VRK2: variants seen among roughly 807,000 people sequenced by gnomAD.
VRK2 encodes the protein VRK serine/threonine kinase 2, also known as serine/threonine-protein kinase VRK2.
VRK2 carries 60 observed loss-of-function variants against 57.6 expected under a neutral mutation model. The observed-to-expected ratio is 1.04, with a 90% CI of 0.85 to 1.29. The LOEUF (loss-of-function observed/expected upper bound fraction) is 1.29. VRK2 is among the 50% of genes most tolerant of loss of function. The pLI, the probability that VRK2 is intolerant of heterozygous loss-of-function variation, is 0.00. For missense variants in VRK2, 705 were observed against 588.1 expected, an observed-to-expected ratio of 1.20 and a Z score of -2.06; for synonymous variants, 231 against 199.2, an observed-to-expected ratio of 1.16 and a Z score of -1.35.
intron 12 of VRK2, among the ~76,000 whole-genome samples, chr2:58,147,581 A>C (rs1475441238): frequency 6.6e-6 from 1 of 151,868 alleles, no homozygotes; most frequent in African/African-American, 2.4e-5. Context: ...TGATGCAAAG[A>C]AATTGATTCC....
At chr2:58,096,554 C>T (rs947264167) in intron 7 of VRK2, among the ~76,000 whole-genome samples, 2 of 151,848 alleles carry the variant, frequency 1.3e-5, no homozygotes, top group African/African-American at 4.8e-5. Flanking sequence ...ATTTTTCGTA[C>T]TTCAGTGATT....
chr2:58,084,842 AT>A (rs1157176546), intron 3 of VRK2, 38 bp from the exon 4 acceptor site: 19 of 1,316,884 alleles, frequency 1.4e-5, no homozygotes, highest in South Asian at 2.6e-5. Flanking sequence ...CTTTGGGATT[AT>A]TTTTTTCTAG....
chr2:57,982,280 T>A (rs1672444302), intron 1 of VRK2, among the ~76,000 whole-genome samples: 1 of 152,108 alleles, frequency 6.6e-6, no homozygotes, highest in Admixed American at 6.5e-5. Context: ...GTATTCCCAG[T>A]TTGCTGGCAA....
intron 1 of VRK2, among the ~76,000 whole-genome samples, chr2:57,942,635 C>G (rs1671136578): frequency 6.6e-6 from 1 of 151,888 alleles, no homozygotes; most frequent in Non-Finnish European, 1.5e-5. Flanking sequence ...TTGATGCTAA[C>G]TTTATTTGGT....
intron 2 of VRK2, among the ~76,000 whole-genome samples, chr2:58,061,870 TGTAGAGGTGAAAGGG>T (rs542341178): frequency 1.3e-5 from 2 of 151,974 alleles, no homozygotes; most frequent in African/African-American, 2.4e-5. Flanking sequence ...GGAACCCAGG[TGTAGAGGTGAAAGGG>T]GTAAGGGTTC....
chr2:58,108,160 C>G (rs1307427746), intron 7 of VRK2, among the ~76,000 whole-genome samples: 1 of 152,130 alleles, frequency 6.6e-6, no homozygotes, highest in African/African-American at 2.4e-5. Flanking sequence ...TTCTTACTCT[C>G]TTTTTCTCTA....
chr2:57,929,134 C>T (rs576255094), intron 1 of VRK2, among the ~76,000 whole-genome samples: 1 of 152,322 alleles, frequency 6.6e-6, no homozygotes, highest in Admixed American at 6.5e-5. Context: ...TGTCTCCTTG[C>T]CTTTAGGGCA....
chr2:58,100,992 A>G (rs1673876155), intron 7 of VRK2, among the ~76,000 whole-genome samples: 1 of 151,808 alleles, frequency 6.6e-6, no homozygotes, highest in Admixed American at 6.6e-5. Context: ...TTAGAGCCAT[A>G]TTAAAAAATT....
intron 1 of VRK2, among the ~76,000 whole-genome samples, chr2:57,988,457 T>C (rs1475712172): frequency 1.3e-5 from 2 of 152,204 alleles, no homozygotes; most frequent in Non-Finnish European, 2.9e-5. Flanking sequence ...TTTCTGGGTG[T>C]GTCTGTGAGG....
intron 1 of VRK2, among the ~76,000 whole-genome samples, chr2:57,998,198 T>C (rs1189305177): frequency 6.6e-6 from 1 of 152,226 alleles, no homozygotes; most frequent in Non-Finnish European, 1.5e-5. Context: ...GTTTTAATTG[T>C]TACTATATGC....
chr2:58,043,080 T>C (rs1674526766), upstream of VRK2, among the ~76,000 whole-genome samples: 3 of 152,222 alleles, frequency 2.0e-5, no homozygotes, highest in South Asian at 4.1e-4. Context: ...AGTACAAATT[T>C]ATTAACATTT....
chr2:58,027,530 T>C (rs750877013), intron 2 of VRK2, among the ~76,000 whole-genome samples: 1 of 152,096 alleles, frequency 6.6e-6, no homozygotes, highest in Non-Finnish European at 1.5e-5. Flanking sequence ...GCAGTAGTAA[T>C]GGAGGGCAGT....
At chr2:58,116,625 T>C (rs889046696) in intron 7 of VRK2, among the ~76,000 whole-genome samples, 3 of 152,110 alleles carry the variant, frequency 2.0e-5, no homozygotes, top group African/African-American at 7.2e-5. Flanking sequence ...GAGAGTTACC[T>C]AAAGCTCAGC....
rs528143587 is a variant in VRK2, at chr2:58,011,292, T to TG, written c.-438-14372dup. 2.6e-5 allele frequency among the ~76,000 whole-genome samples: 4 copies of TG among 152,342 alleles called. No individual in the cohort carries two copies. The South Asian group carries it at 8.3e-4, about 32-fold the overall frequency. ...GAAAAACTGGATTGGTCACAGGCCC[T>TG]GCTCTACATATATCATCCAGTGAAA... is the stretch of plus-strand genomic sequence containing the variant. On this transcript the variant is annotated intron_variant, in intron 1 of 15. Transcript: ENST00000417641.
chr2:58,116,264 G>T (rs1676463886), intron 7 of VRK2, among the ~76,000 whole-genome samples: 2 of 151,898 alleles, frequency 1.3e-5, no homozygotes, highest in African/African-American at 4.9e-5. Context: ...ATACTTGTGG[G>T]TTAAGGTGGG....
intron 10 of VRK2, among the ~76,000 whole-genome samples, chr2:58,136,824 GT>G (rs1284121231): frequency 1.4e-5 from 2 of 139,050 alleles, no homozygotes; most frequent in African/African-American, 5.5e-5. Flanking sequence ...TCATATATGT[GT>G]GTATATATAT....
rs1284529639 is a variant in VRK2 at position 57,939,692 on chromosome 2, A to G, written c.-439+31853A>G. 3.3e-5 allele frequency among the ~76,000 whole-genome samples: 5 copies of G among 152,218 alleles called. No individual in the cohort carries two copies. The South Asian group carries it at 1.0e-3, about 32-fold the overall frequency. On this transcript the variant is annotated intron_variant, in intron 1 of 15. Transcript: ENST00000417641. ...GAAAGTAAATGCACATTTCAGCAAAAAGTGTATCAGTTAACAATAATATTG... is the reference window on the plus strand; with the variant it reads ...GAAAGTAAATGCACATTTCAGCAAAGAGTGTATCAGTTAACAATAATATTG...
chr2:57,940,731 T>G (rs760046884), intron 1 of VRK2, among the ~76,000 whole-genome samples: 4 of 152,152 alleles, frequency 2.6e-5, no homozygotes, highest in Non-Finnish European at 5.9e-5. Context: ...TTACTTCAAC[T>G]AAAGAAACAA....
chr2:58,076,103 CTTCTT>C (rs1331218618), intron 2 of VRK2, among the ~76,000 whole-genome samples: 2 of 124,346 alleles, frequency 1.6e-5, no homozygotes, highest in Non-Finnish European at 3.2e-5. Context: ...TAGCTACTGT[CTTCTT>C]TTTTTTTTTT....
Sources: allele counts gnomAD v4.1 joint callset (sites outside exome capture counted in the v4.1 genomes callset), GRCh38; gene constraint gnomAD v4.1.1; transcripts MANE v1.5; gene names NCBI Gene and HGNC (gene_info 2026-07-23, HGNC 2026-07-21).